CFAP47: variants seen among roughly 807,000 people sequenced by gnomAD.
CFAP47 encodes cilia- and flagella-associated protein 47.
Under a neutral mutation model 148.1 loss-of-function variants are expected in CFAP47, and 29 were observed. The observed-to-expected ratio is 0.20, with a 90% confidence interval of 0.15 to 0.27. The LOEUF (loss-of-function observed/expected upper bound fraction) is 0.27. Among genes scored for constraint, CFAP47 ranks in the 10% least tolerant of loss-of-function variants. The pLI is 1.00. For synonymous variants in CFAP47, 664 were observed against 577.3 expected (o/e 1.15, Z -2.15); for missense variants, 1,872 against 1,697.5 (o/e 1.10, Z -1.81).
chrX:35,980,495 A>T (rs1237259489), intron 15 of CFAP47, among the ~76,000 whole-genome samples: 1 of 111,807 alleles, frequency 8.9e-6, no homozygotes, highest in Non-Finnish European at 1.9e-5. Context: ...TGACTTTTAC[A>T]TATTCCCCAG....
intron 49 of CFAP47, among the ~76,000 whole-genome samples, chrX:36,279,009 G>A (rs879988547): frequency 9.0e-6 from 1 of 111,276 alleles, no homozygotes; most frequent in Non-Finnish European, 1.9e-5. Flanking sequence ...GTCAACACAC[G>A]AAACACCTGT....
At chrX:36,106,561 A>G (rs1938469631) in intron 33 of CFAP47, among the ~76,000 whole-genome samples, 1 of 112,060 alleles carries the variant, frequency 8.9e-6, no homozygotes, top group Admixed American at 9.5e-5. Flanking sequence ...ACTCCAAACA[A>G]GAGGAACACT....
chrX:36,210,899 C>A lies in CFAP47; in HGVS notation c.6817+5789C>A, dbSNP rs782010577. Among the ~76,000 whole-genome samples the A allele has an allele frequency of 3.6e-5, 4 of 112,471 alleles. No homozygotes were observed. In the East Asian group the frequency reaches 1.1e-3, roughly 32 times the overall value. On this transcript the variant is annotated intron_variant, in intron 45 of 63. Transcript: ENST00000378653. ...ATATCTGTATATCCTGTGAGAACTT[C>A]ATTCCTTTGCATGTGGCTACCAAGT...
At chrX:36,151,764 A>T (rs1018649221) in intron 37 of CFAP47, among the ~76,000 whole-genome samples, 1 of 112,036 alleles carries the variant, frequency 8.9e-6, no homozygotes, top group Admixed American at 9.5e-5. Flanking sequence ...AGCAATCCTG[A>T]AGATCCATGA....
chrX:36,073,060 C>A, intron 28 of CFAP47, 79 bp from the exon 29 acceptor site: 1 of 649,087 alleles, frequency 1.5e-6, no homozygotes, highest in Non-Finnish European at 2.4e-6. Flanking sequence ...TATTAGTCTG[C>A]ATACAAATGA....
At chrX:35,924,719 T>C (rs892606093) in intron 1 of CFAP47, among the ~76,000 whole-genome samples, 1 of 110,988 alleles carries the variant, frequency 9.0e-6, no homozygotes, top group African/African-American at 3.3e-5. Flanking sequence ...TCTATAAGTA[T>C]CTTATATTTT....
chrX:36,114,885 G>T (rs1443430585), intron 33 of CFAP47, among the ~76,000 whole-genome samples: 1 of 112,105 alleles, frequency 8.9e-6, no homozygotes, highest in Non-Finnish European at 1.9e-5. Context: ...CTGCATTAGG[G>T]TGCTAGTGGG....
intron 22 of CFAP47, among the ~76,000 whole-genome samples, chrX:36,026,453 G>T (rs1342543048): frequency 1.8e-5 from 2 of 111,064 alleles, no homozygotes; most frequent in Non-Finnish European, 3.8e-5. Flanking sequence ...CTTAAAATCT[G>T]CTCTCTTAGG....
chrX:36,037,611 C>A (rs1355483807), intron 24 of CFAP47, among the ~76,000 whole-genome samples: 10 of 110,811 alleles, frequency 9.0e-5, no homozygotes, highest in African/African-American at 3.3e-4. Flanking sequence ...ACACTCTCAG[C>A]TTAAAAAGGG....
At position 36,044,560 on chromosome X, in the gene CFAP47, A is replaced by G. The variant is rs761620694; in HGVS notation, c.4008-2294A>G. 8.0e-5 allele frequency among the ~76,000 whole-genome samples: 9 copies of G among 112,346 alleles called. No homozygotes were observed. The East Asian group carries it at 2.5e-3, about 32-fold the overall frequency. On this transcript the variant is annotated intron_variant, in intron 25 of 63. Coordinates refer to ENST00000378653, the MANE Select transcript of CFAP47 (RefSeq NM_001304548.2). The stretch of plus-strand genomic sequence containing the variant: ...TCCACAGATCTCTAGGGCAAGGGCG[A>G]CATGCCACCAGTCTCTTTGCTAAAG...
At chrX:35,999,311 C>T (rs1383574929) in intron 19 of CFAP47, among the ~76,000 whole-genome samples, 1 of 111,889 alleles carries the variant, frequency 8.9e-6, no homozygotes, top group Non-Finnish European at 1.9e-5. Context: ...GTCTCGATCT[C>T]CTTTAAATGT....
At chrX:36,045,378 C>T in intron 25 of CFAP47, among the ~76,000 whole-genome samples, 1 of 111,357 alleles carries the variant, frequency 9.0e-6, no homozygotes, top group East Asian at 2.8e-4. Flanking sequence ...TTCTGCTTTT[C>T]ACAAGCAGAA....
At chrX:35,961,243 G>C (rs1936326359) in intron 8 of CFAP47, among the ~76,000 whole-genome samples, 1 of 111,838 alleles carries the variant, frequency 8.9e-6, no homozygotes, top group South Asian at 3.7e-4. Flanking sequence ...GTATTTAGTT[G>C]AGGATTTTTG....
intron 46 of CFAP47, among the ~76,000 whole-genome samples, chrX:36,229,521 A>G (rs1413057309): frequency 9.0e-6 from 1 of 111,503 alleles, no homozygotes; most frequent in African/African-American, 3.3e-5. Flanking sequence ...CCTTCGATAG[A>G]TCTATTAGGC....
intron 51 of CFAP47, among the ~76,000 whole-genome samples, chrX:36,290,720 AT>A (rs1480714523): frequency 8.9e-6 from 1 of 112,478 alleles, no homozygotes; most frequent in African/African-American, 3.2e-5. Context: ...ATCAAATTTC[AT>A]GTAGCCCCTA....
intron 40 of CFAP47, 133 bp downstream of exon 40, chrX:36,179,555 C>T (rs1939725886): frequency 3.8e-6 from 1 of 261,352 alleles, no homozygotes; most frequent in Non-Finnish European, 6.7e-6. Context: ...AATTCACACT[C>T]ATATCCAAAT....
intron 59 of CFAP47, among the ~76,000 whole-genome samples, chrX:36,351,519 T>C (rs1415802374): frequency 1.8e-5 from 2 of 111,813 alleles, no homozygotes; most frequent in Non-Finnish European, 3.8e-5. Context: ...AGATTCATTT[T>C]ATCCAGATTA....
chrX:36,379,197 T>A (rs982564925), intron 62 of CFAP47, among the ~76,000 whole-genome samples, 153 bp from the exon 63 acceptor site: 5 of 112,598 alleles, frequency 4.4e-5, no homozygotes, highest in African/African-American at 6.4e-5. Context: ...TAATTTTTTT[T>A]AAAATGCCTC....
At chrX:36,203,537 A>C (rs1359866372) in intron 44 of CFAP47, among the ~76,000 whole-genome samples, 1 of 111,684 alleles carries the variant, frequency 9.0e-6, no homozygotes, top group Non-Finnish European at 1.9e-5. Context: ...ACATTTAATA[A>C]ATTATGTTTT....
Sources: allele counts gnomAD v4.1 joint callset (sites outside exome capture counted in the v4.1 genomes callset), GRCh38; gene constraint gnomAD v4.1.1; transcripts MANE v1.5; gene names NCBI Gene and HGNC (gene_info 2026-07-23, HGNC 2026-07-21).